The following STXBP6 variants were observed in gnomAD, a reference collection of about 807,000 sequenced individuals.
STXBP6 encodes syntaxin-binding protein 6.
A neutral mutation model predicts 26.9 loss-of-function variants in STXBP6; 21 were observed. That is an observed-to-expected ratio of 0.78 (90% CI 0.55 to 1.12). The LOEUF (loss-of-function observed/expected upper bound fraction) is 1.12. Among genes scored for constraint, STXBP6 ranks in the 50% most tolerant of loss-of-function variants. The probability of loss-of-function intolerance (pLI) is 0.00; values close to 1 mark genes in which losing one functional copy is unlikely to be tolerated. For missense variants in STXBP6, 232 were observed against 257.9 expected, an observed-to-expected ratio of 0.90 and a Z score of 0.69; for synonymous variants, 97 against 92.6, an observed-to-expected ratio of 1.05 and a Z score of -0.27.
At chr14:24,930,122 T>C (rs930802764) in intron 2 of STXBP6, among the ~76,000 whole-genome samples, 1 of 152,204 alleles carries the variant, frequency 6.6e-6, no homozygotes, top group African/African-American at 2.4e-5. Flanking sequence ...CGAATCCACT[T>C]TTGGAGGTGA....
intron 2 of STXBP6, among the ~76,000 whole-genome samples, chr14:24,966,434 TGGACCCA>T: frequency 6.6e-6 from 1 of 151,150 alleles, no homozygotes; most frequent in East Asian, 1.9e-4. Flanking sequence ...TGGAGTCAGA[TGGACCCA>T]GGCATGAGTC....
chr14:25,045,760 C>T (rs1435914214), intron 1 of STXBP6, among the ~76,000 whole-genome samples: 2 of 152,026 alleles, frequency 1.3e-5, no homozygotes, highest in African/African-American at 4.8e-5. Flanking sequence ...CCCACCACCA[C>T]ATCCAGCTAA....
intron 2 of STXBP6, among the ~76,000 whole-genome samples, chr14:24,930,927 A>C (rs1487149487): frequency 6.8e-6 from 1 of 146,616 alleles, no homozygotes; most frequent in Admixed American, 6.8e-5. Context: ...CTGGCTAACA[A>C]GGTGAAACCC....
rs574150234 is a variant in STXBP6 at position 24,994,688 on chromosome 14, G to A, written c.-32-19838C>T. ...ATCCATGAATTCTAGAAAGGCAGGT[G>A]GCTTACTCCATTCTGGTTGCTATTA... On this transcript the variant is annotated intron_variant, in intron 1 of 5. Transcript: ENST00000323944. 3.9e-5 allele frequency among the ~76,000 whole-genome samples: 6 copies of A among 152,286 alleles called. No homozygotes were observed. In the South Asian group the frequency reaches 1.0e-3, roughly 26 times the overall value.
At chr14:25,019,974 C>G (rs191615246) in intron 1 of STXBP6, among the ~76,000 whole-genome samples, 1 of 149,308 alleles carries the variant, frequency 6.7e-6, no homozygotes, top group African/African-American at 2.5e-5. Flanking sequence ...AATTTTTGAG[C>G]TCTAAGATTA....
chr14:25,046,604 T>G (rs2075731440), intron 1 of STXBP6, among the ~76,000 whole-genome samples: 1 of 152,194 alleles, frequency 6.6e-6, no homozygotes, highest in Admixed American at 6.5e-5. Flanking sequence ...CTAATTGATT[T>G]GGGCACTACA....
chr14:24,835,905 A>G (rs1458115950), intron 4 of STXBP6, among the ~76,000 whole-genome samples: 1 of 152,238 alleles, frequency 6.6e-6, no homozygotes, highest in South Asian at 2.1e-4. Flanking sequence ...TTAAAAATGT[A>G]TCTATGGGTA....
chr14:24,900,949 G>A (rs11158959), intron 2 of STXBP6, among the ~76,000 whole-genome samples: 42,195 of 152,092 alleles, frequency 0.28, 6,932 homozygotes, highest in Admixed American at 0.44. Context: ...TGGGATGTAT[G>A]CATAATTGGA....
At chr14:25,037,658 C>CA in intron 1 of STXBP6, among the ~76,000 whole-genome samples, 1 of 152,166 alleles carries the variant, frequency 6.6e-6, no homozygotes, top group Admixed American at 6.5e-5. Context: ...TGCTATTTCC[C>CA]AAAATCACTG....
chr14:24,923,029 G>A (rs1383469824), intron 2 of STXBP6, among the ~76,000 whole-genome samples: 1 of 151,888 alleles, frequency 6.6e-6, no homozygotes, highest in Non-Finnish European at 1.5e-5. Context: ...AAATACTCAA[G>A]TATCCATGAC....
intron 1 of STXBP6, among the ~76,000 whole-genome samples, chr14:25,012,617 C>T (rs2075056664): frequency 6.6e-6 from 1 of 152,040 alleles, no homozygotes; most frequent in Non-Finnish European, 1.5e-5. Context: ...AAAAAACAAA[C>T]AAACAAACAA....
At chr14:24,821,031 A>G (rs2068119192) in intron 4 of STXBP6, among the ~76,000 whole-genome samples, 1 of 152,182 alleles carries the variant, frequency 6.6e-6, no homozygotes, top group Non-Finnish European at 1.5e-5. Flanking sequence ...AAGAGTTATT[A>G]CCCATGCCAC....
Position 25,049,552 on chromosome 14 carries a change from G to T in STXBP6, c.-33+326C>A, listed in dbSNP as rs984030134. The T allele has an allele frequency of 3.0e-6, 3 of 985,386 alleles. No individual in the cohort carries two copies. Among genetic ancestry groups the T allele is most frequent in the Non-Finnish European group, 3.6e-6 (3 of 830,038 alleles). The allele number at this position is 985,386 out of a possible 1,614,324, so 61.0% of individuals were successfully genotyped here. On this transcript the variant is annotated intron_variant, in intron 1 of 5. Coordinates refer to ENST00000323944, the MANE Select transcript of STXBP6 (RefSeq NM_001394410.1). This position sits in a 1 kb window ranked among gnomAD's most constrained non-coding sequence, Gnocchi z 5.6. ...TCGCGGGGACGGTGCGGAAAAAAAG[G>T]CTCCATCCTCAACTTTCTCGGAGGA... is the stretch of plus-strand genomic sequence containing the variant.
At chr14:24,970,168 G>A (rs1217148700) in intron 2 of STXBP6, among the ~76,000 whole-genome samples, 1 of 151,972 alleles carries the variant, frequency 6.6e-6, no homozygotes, top group Non-Finnish European at 1.5e-5. Context: ...TTGAACCCGG[G>A]AGGTGGAGGT....
intron 2 of STXBP6, among the ~76,000 whole-genome samples, chr14:24,969,527 C>T (rs2073839373): frequency 6.6e-6 from 1 of 152,174 alleles, no homozygotes; most frequent in Non-Finnish European, 1.5e-5. Flanking sequence ...GTAGGGCTTG[C>T]TTTACACTTT....
At chr14:24,940,179 G>A (rs8009232) in intron 2 of STXBP6, among the ~76,000 whole-genome samples, 12 of 152,198 alleles carry the variant, frequency 7.9e-5, no homozygotes, top group Admixed American at 7.2e-4. Context: ...ACACCCAGCT[G>A]ATGTAAACAG....
chr14:24,830,987 G>T (rs928636185), intron 4 of STXBP6, among the ~76,000 whole-genome samples: 2 of 152,082 alleles, frequency 1.3e-5, no homozygotes, highest in Admixed American at 1.3e-4. Flanking sequence ...AAATGGTACT[G>T]GGACAACTAA....
At chr14:24,991,642 C>CA (rs1281445880) in intron 1 of STXBP6, among the ~76,000 whole-genome samples, 2 of 152,286 alleles carry the variant, frequency 1.3e-5, no homozygotes, top group Non-Finnish European at 2.9e-5. Flanking sequence ...TTGTCTTTTA[C>CA]ATAAGGGGAA....
intron 2 of STXBP6, among the ~76,000 whole-genome samples, chr14:24,951,698 T>C (rs893716497): frequency 8.5e-5 from 13 of 152,290 alleles, no homozygotes; most frequent in African/African-American, 2.6e-4. Flanking sequence ...TTTAAAAAAT[T>C]TCTTATGTGA....
Sources: allele counts gnomAD v4.1 joint callset (sites outside exome capture counted in the v4.1 genomes callset), GRCh38; gene constraint gnomAD v4.1.1; non-coding constraint Gnocchi (gnomAD v3.1); transcripts MANE v1.5; gene names NCBI Gene and HGNC (gene_info 2026-07-23, HGNC 2026-07-21).